DPP6: variants seen among roughly 807,000 people sequenced by gnomAD.
DPP6 encodes the protein dipeptidyl peptidase like 6, also known as A-type potassium channel modulatory protein DPP6.
DPP6 carries 69 observed loss-of-function variants against 122.6 expected under a neutral mutation model. That is an observed-to-expected ratio of 0.56 (90% CI 0.46 to 0.69). The LOEUF is 0.69. Ranked by LOEUF, DPP6 falls within the 30% of genes least tolerant of loss-of-function variation. The pLI is 0.00. For missense variants in DPP6, 928 were observed against 1,116.9 expected, an observed-to-expected ratio of 0.83 and a Z score of 2.41; for synonymous variants, 418 against 433.1, an observed-to-expected ratio of 0.97 and a Z score of 0.43.
At chr7:153,843,401 T>C in the DPP6 span, among the ~76,000 whole-genome samples, 1 of 152,220 alleles carries the variant, frequency 6.6e-6, no homozygotes, top group Non-Finnish European at 1.5e-5. Context: ...GAGGTTGCTA[T>C]TGTGGGATCT....
chr7:154,752,969 C>T (rs889028764), intron 8 of DPP6, among the ~76,000 whole-genome samples: 3 of 152,060 alleles, frequency 2.0e-5, no homozygotes, highest in Admixed American at 6.5e-5. Context: ...ATGCCCTGTG[C>T]GGGGCTGTTT....
At chr7:154,651,521 G>A (rs1287635626) in intron 6 of DPP6, among the ~76,000 whole-genome samples, 4 of 152,026 alleles carry the variant, frequency 2.6e-5, no homozygotes, top group African/African-American at 7.2e-5. Flanking sequence ...TTAATGATAC[G>A]AGCACCATGC....
chr7:154,104,772 G>T (rs1033234117), intron 1 of DPP6, among the ~76,000 whole-genome samples: 4 of 152,216 alleles, frequency 2.6e-5, no homozygotes, highest in Non-Finnish European at 5.9e-5. Context: ...CAGATTTGAG[G>T]CTGGGAGTGG....
chr7:154,752,504 C>A (rs1375052602), intron 8 of DPP6, among the ~76,000 whole-genome samples: 1 of 152,152 alleles, frequency 6.6e-6, no homozygotes, highest in South Asian at 2.1e-4. Context: ...TATACTGCAG[C>A]TATCTAGAAT....
intron 1 of DPP6, among the ~76,000 whole-genome samples, chr7:154,156,043 A>G (rs551893926): frequency 2.9e-4 from 44 of 152,362 alleles, no homozygotes; most frequent in African/African-American, 1.0e-3. Context: ...CCATCTGAGC[A>G]GGACCCCTGA....
At chr7:154,766,041 C>T (rs1275371901) in intron 8 of DPP6, among the ~76,000 whole-genome samples, 1 of 152,200 alleles carries the variant, frequency 6.6e-6, no homozygotes, top group Non-Finnish European at 1.5e-5. Flanking sequence ...TTTTTTACCC[C>T]TTAGTTTCTT....
chr7:153,955,698 A>G (rs1585085794), intron 1 of DPP6, among the ~76,000 whole-genome samples: 2 of 152,228 alleles, frequency 1.3e-5, no homozygotes, highest in Middle Eastern at 6.8e-3. Context: ...CTCGGCCTCC[A>G]AAAGTGCTGG....
chr7:154,161,194 T>C (rs1420436285), intron 1 of DPP6, among the ~76,000 whole-genome samples: 5 of 152,296 alleles, frequency 3.3e-5, no homozygotes, highest in East Asian at 1.9e-4. Flanking sequence ...TTTGGTGTTA[T>C]GTTTAGGGTA....
chr7:154,108,001 A>G (rs1383935116), intron 1 of DPP6, among the ~76,000 whole-genome samples: 3 of 152,240 alleles, frequency 2.0e-5, no homozygotes, highest in Admixed American at 1.3e-4. Context: ...GAATTTAATA[A>G]CAAATAAATA....
Position 154,087,797 on chromosome 7 carries a change from T to C in DPP6, c.243+34734T>C, listed in dbSNP as rs4067522. On this transcript the variant is annotated intron_variant, in intron 1 of 25. Transcript: ENST00000377770. ...CAAAGAAACTCACAGGTATTTATTA[T>C]CCAAAGCTACTGCATTTGGGGATTA... Among the ~76,000 whole-genome samples, 9 of 152,338 alleles carry C rather than the reference T, an allele frequency of 5.9e-5. No homozygotes were observed. The East Asian group carries it at 9.6e-4, about 16-fold the overall frequency.
intron 1 of DPP6, among the ~76,000 whole-genome samples, chr7:154,138,857 G>T (rs10267889): frequency 0.041 from 6,304 of 152,214 alleles, 428 homozygotes; most frequent in African/African-American, 0.14. Flanking sequence ...TGACCAAAGT[G>T]AAGCTTCCTG....
intron 1 of DPP6, among the ~76,000 whole-genome samples, chr7:154,329,569 CT>C (rs1329608011): frequency 1.3e-5 from 2 of 152,190 alleles, no homozygotes; most frequent in Non-Finnish European, 2.9e-5. Flanking sequence ...AATAGGAACG[CT>C]TTCACACTGT....
At chr7:154,553,588 G>A (rs74944170) in intron 4 of DPP6, among the ~76,000 whole-genome samples, 6,138 of 152,152 alleles carry the variant, frequency 0.04, 421 homozygotes, top group African/African-American at 0.14. Flanking sequence ...TCAGAAAAAA[G>A]AGGTTAAAAA....
chr7:154,705,834 A>G (rs950841614), intron 7 of DPP6, among the ~76,000 whole-genome samples: 1 of 152,256 alleles, frequency 6.6e-6, no homozygotes, highest in African/African-American at 2.4e-5. Context: ...ATGATCTTCT[A>G]TTTGTTGGTA....
At chr7:154,124,836 A>G (rs1326162168) in intron 1 of DPP6, among the ~76,000 whole-genome samples, 2 of 152,226 alleles carry the variant, frequency 1.3e-5, no homozygotes, top group Non-Finnish European at 2.9e-5. Flanking sequence ...CTCTGAGGAA[A>G]TGACACTCAG....
chr7:154,175,367 A>G (rs1797747260), intron 1 of DPP6, among the ~76,000 whole-genome samples: 2 of 152,090 alleles, frequency 1.3e-5, no homozygotes, highest in Non-Finnish European at 2.9e-5. Flanking sequence ...AAAGCAAGGG[A>G]AGGACTCAGT....
chr7:154,505,698 A>G (rs1385472773), intron 3 of DPP6, among the ~76,000 whole-genome samples: 1 of 152,206 alleles, frequency 6.6e-6, no homozygotes, highest in East Asian at 1.9e-4. Flanking sequence ...AGACTACAGA[A>G]GTAAAATGCC....
chr7:154,471,088 T>C (rs1170204824), intron 2 of DPP6, among the ~76,000 whole-genome samples: 4 of 151,848 alleles, frequency 2.6e-5, no homozygotes, highest in African/African-American at 4.8e-5. Context: ...CTGTCTCTAC[T>C]AGAAATACAA....
chr7:153,867,741 G>T, the DPP6 span, among the ~76,000 whole-genome samples: 2 of 145,306 alleles, frequency 1.4e-5, no homozygotes, highest in Non-Finnish European at 3.0e-5. Context: ...TTTTCAAAGG[G>T]AATGCTTCCA....
Sources: gnomAD v4.1 joint callset for allele counts (sites outside exome capture counted in the v4.1 genomes callset) on GRCh38, gnomAD v4.1.1 for gene constraint, MANE v1.5 for transcripts, NCBI Gene and HGNC (gene_info 2026-07-23, HGNC 2026-07-21) for gene names.